The following NAALAD2 variants were observed in gnomAD, a reference collection of about 807,000 sequenced individuals.
The protein encoded by NAALAD2 is N-acetylated alpha-linked acidic dipeptidase 2.
Under a neutral mutation model 95.6 loss-of-function variants are expected in NAALAD2, and 89 were observed. That is an observed-to-expected ratio of 0.93 (90% CI 0.78 to 1.11). NAALAD2 has a LOEUF of 1.11. NAALAD2 is among the 50% of genes least tolerant of loss of function. NAALAD2 has a pLI of 0.00. For synonymous variants in NAALAD2, 264 were observed against 294.4 expected (o/e 0.90, Z 1.06); for missense variants, 894 against 872.4 (o/e 1.02, Z -0.31).
chr11:90,163,054 A>T lies in NAALAD2; in HGVS notation c.1075+20A>T, dbSNP rs1051548863. The T allele has an allele frequency of 4.0e-6, 6 of 1,499,590 alleles. No homozygotes were observed. In the African/African-American group the frequency reaches 7.1e-5, roughly 18 times the overall value. 92.9% of individuals were successfully genotyped at this position (1,499,590 alleles called of 1,614,324 possible). The stretch of plus-strand genomic sequence containing the variant: ...AACCTGGTGAGTCACATAATTTTTT[A>T]AAACATTTTGTTTTTACAAAAATTA... On this transcript the variant is annotated intron_variant, in intron 9 of 18. Coordinates refer to ENST00000534061, the MANE Select transcript of NAALAD2 (RefSeq NM_005467.4).
chr11:90,149,382 A>G (rs945094643), intron 4 of NAALAD2, among the ~76,000 whole-genome samples: 1 of 152,170 alleles, frequency 6.6e-6, no homozygotes, highest in Non-Finnish European at 1.5e-5. Context: ...ACTGCTGAAC[A>G]TGCCTTTCAG....
At chr11:90,148,767 G>C (rs1337449114) in intron 3 of NAALAD2, among the ~76,000 whole-genome samples, 1 of 152,252 alleles carries the variant, frequency 6.6e-6, no homozygotes, top group Admixed American at 6.5e-5. Flanking sequence ...AAGCTCTGCT[G>C]TTACACTTTA....
At position 90,150,637 on chromosome 11, in the gene NAALAD2, A is replaced by C. The variant is rs866853619; in HGVS notation, c.609+30A>C. On this transcript the variant is annotated intron_variant, in intron 5 of 18. Coordinates refer to ENST00000534061, the MANE Select transcript of NAALAD2 (RefSeq NM_005467.4). ...AGTATTATTTGTTTTTCTACAGAGA[A>C]TGAGAGGATATATATATTCTGTAAA... 5 of 1,547,532 alleles carry C rather than the reference A, an allele frequency of 3.2e-6. No homozygotes were observed. In the Middle Eastern group the frequency reaches 8.7e-4, roughly 269 times the overall value.
Position 90,159,781 on chromosome 11 carries a change from T to C in NAALAD2, c.989+444T>C, listed in dbSNP as rs555498759. 9.9e-4 allele frequency among the ~76,000 whole-genome samples: 150 copies of C among 150,972 alleles called. 2 individuals are homozygous for C. The highest frequency in any genetic ancestry group is 8.9e-4 in the Non-Finnish European group (60 of 67,740). On this transcript the variant is annotated intron_variant, in intron 8 of 18. Transcript: ENST00000534061. ...GCCTGGCCAACAAGGAGAAACCCCG[T>C]TTCTACTAAAAATACAAAAATTAGC...
chr11:90,155,550 TATA>T (rs1337921449), intron 6 of NAALAD2, among the ~76,000 whole-genome samples: 13 of 113,748 alleles, frequency 1.1e-4, no homozygotes, highest in Admixed American at 3.3e-4. Flanking sequence ...ATATATGATA[TATA>T]ATGTGTAATA....
At chr11:90,182,764 A>T in intron 17 of NAALAD2, 152 bp from the exon 18 acceptor site, 1 of 522,062 alleles carries the variant, frequency 1.9e-6, no homozygotes, top group South Asian at 2.8e-5. Context: ...TTTGTGGCTC[A>T]CCATGTAAAG....
intron 2 of NAALAD2, among the ~76,000 whole-genome samples, chr11:90,142,414 A>T (rs1258012026): frequency 6.6e-6 from 1 of 152,132 alleles, no homozygotes; most frequent in Non-Finnish European, 1.5e-5. Context: ...GTGCTTAGTT[A>T]TCTTTAGTAA....
chr11:90,150,564 AG>A lies in NAALAD2; in HGVS notation c.567del (p.Ile190LeufsTer20). ...GAGATGGGCATCAACTGTACTGGGA[AG>A]ATTGTTATTGCAAGATATGGAAAAA... Reference protein sequence around the residue: ...EREMGINCTGKIVIARYGKIF... With the variant: ...EREMGINCTGXIVIARYGKIF... On this transcript the variant is annotated frameshift_variant, in exon 5 of 19. Coordinates refer to ENST00000534061, the MANE Select transcript of NAALAD2 (RefSeq NM_005467.4). LOFTEE classifies it high-confidence loss of function. The A allele has an allele frequency of 6.2e-7, 1 of 1,605,842 alleles. No individual in the cohort carries two copies. The highest frequency in any genetic ancestry group is 8.5e-7 in the Non-Finnish European group (1 of 1,173,846).
chr11:90,137,312 A>T (rs1195872774), intron 2 of NAALAD2, among the ~76,000 whole-genome samples: 4 of 152,204 alleles, frequency 2.6e-5, no homozygotes, highest in Non-Finnish European at 4.4e-5. Flanking sequence ...CAATAGGGCA[A>T]CTATAGTTAA....
At chr11:90,180,621 G>A (rs909824596) in intron 16 of NAALAD2, among the ~76,000 whole-genome samples, 7 of 151,870 alleles carry the variant, frequency 4.6e-5, no homozygotes, top group South Asian at 2.1e-4. Context: ...AATGAATATC[G>A]TATCTCCTGA....
chr11:90,168,139 C>T (rs1952530266), intron 11 of NAALAD2, among the ~76,000 whole-genome samples: 1 of 152,088 alleles, frequency 6.6e-6, no homozygotes, highest in Non-Finnish European at 1.5e-5. Context: ...GAGGAAGGAA[C>T]AACTCCAGAT....
chr11:90,136,730 A>G lies in NAALAD2; in HGVS notation c.194+1060A>G, dbSNP rs533116116. On this transcript the variant is annotated intron_variant, in intron 2 of 18. Coordinates refer to ENST00000534061, the MANE Select transcript of NAALAD2 (RefSeq NM_005467.4). ...TTTGACTATTGTGAATAAAGCTGCT[A>G]TGAACAGATGTTTACAAGTCTTTCT... Among the ~76,000 whole-genome samples, 6 of 152,342 alleles carry G rather than the reference A, an allele frequency of 3.9e-5. No homozygotes were observed. In the East Asian group the frequency reaches 1.2e-3, roughly 29 times the overall value.
Position 90,152,323 on chromosome 11 carries a change from C to A in NAALAD2, c.635C>A (p.Ala212Asp). 1.2e-6 allele frequency: 2 copies of A among 1,606,980 alleles called. No individual in the cohort carries two copies. Among genetic ancestry groups the A allele is most frequent in the Non-Finnish European group, 1.7e-6 (2 of 1,174,544 alleles). Residue 212 changes from alanine to aspartate, a missense_variant, in exon 6 of 19, where the codon GCC becomes GAC. Physicochemically the swap from Ala to Asp is moderately radical, Grantham distance 126. Coordinates refer to ENST00000534061, the MANE Select transcript of NAALAD2 (RefSeq NM_005467.4). ...NKVKNAMLAGAIGIILYSDPA... is the reference protein window; with the variant it reads ...NKVKNAMLAGDIGIILYSDPA... ...GTTAAAAATGCCATGTTAGCAGGAG[C>A]CATAGGAATCATCTTGTACTCAGAT... is the stretch of plus-strand genomic sequence containing the variant.
At chr11:90,143,108 G>A (rs555113002) in intron 2 of NAALAD2, among the ~76,000 whole-genome samples, 1 of 151,984 alleles carries the variant, frequency 6.6e-6, no homozygotes, top group Non-Finnish European at 1.5e-5. Context: ...CTTTGAACAT[G>A]TATATGTATT....
intron 18 of NAALAD2, among the ~76,000 whole-genome samples, chr11:90,189,088 A>G (rs941054516): frequency 3.9e-5 from 6 of 152,192 alleles, no homozygotes; most frequent in African/African-American, 1.4e-4. Context: ...TTCCTGTAAG[A>G]GGCAGGCAGG....
chr11:90,175,928 A>ATGTGTGTGTG (rs140876943), intron 14 of NAALAD2, 44 bp from the exon 15 acceptor site: 39,561 of 969,882 alleles, frequency 0.041, 439 homozygotes, highest in African/African-American at 0.044. Context: ...TTACTTGTTT[A>ATGTGTGTGTG]TGTGTGTGTG....
chr11:90,185,862 T>G lies in NAALAD2; in HGVS notation c.2033+2854T>G, dbSNP rs971717194. ...TTCAGGGTGAAAGGGTAAACACTTTTTTTTTTTTTTTTATATACATTTAAA... is the reference window on the plus strand; with the variant it reads ...TTCAGGGTGAAAGGGTAAACACTTTGTTTTTTTTTTTTATATACATTTAAA... On this transcript the variant is annotated intron_variant, in intron 18 of 18. Transcript: ENST00000534061. 3.4e-5 allele frequency among the ~76,000 whole-genome samples: 5 copies of G among 145,664 alleles called. No individual in the cohort carries two copies. The East Asian group carries it at 1.1e-3, about 31-fold the overall frequency.
intron 2 of NAALAD2, among the ~76,000 whole-genome samples, chr11:90,136,464 G>A (rs1320502006): frequency 6.6e-6 from 1 of 152,042 alleles, no homozygotes. Context: ...CTGTCACTGG[G>A]CAATCACTAA....
At chr11:90,178,329 C>T (rs1297220979) in intron 16 of NAALAD2, among the ~76,000 whole-genome samples, 1 of 152,102 alleles carries the variant, frequency 6.6e-6, no homozygotes, top group East Asian at 1.9e-4. Context: ...TGAGTTATTA[C>T]CACAAACATT....
Sources: allele counts gnomAD v4.1 joint callset (sites outside exome capture counted in the v4.1 genomes callset), GRCh38; gene constraint gnomAD v4.1.1; transcripts MANE v1.5; gene names NCBI Gene and HGNC (gene_info 2026-07-23, HGNC 2026-07-21).